The following CNBD1 variants were observed in gnomAD, a reference collection of about 807,000 sequenced individuals.
The protein encoded by CNBD1 is cyclic nucleotide-binding domain-containing protein 1.
CNBD1 carries 71 observed loss-of-function variants against 54.4 expected under a neutral mutation model. That is an observed-to-expected ratio of 1.30 (90% CI 1.08 to 1.59). The LOEUF (loss-of-function observed/expected upper bound fraction) is 1.59. CNBD1 is among the 40% of genes most tolerant of loss of function. The pLI is 0.00. For missense variants in CNBD1, 659 were observed against 518.0 expected (o/e 1.27, Z -2.64); for synonymous variants, 182 against 170.7 (o/e 1.07, Z -0.51).
At chr8:87,410,060 T>C (rs1807715794) in intron 2 of CNBD1, among the ~76,000 whole-genome samples, 1 of 152,012 alleles carries the variant, frequency 6.6e-6, no homozygotes, top group Admixed American at 6.6e-5. Flanking sequence ...ATTCTTCCTG[T>C]ACTACATAAA....
intron 4 of CNBD1, among the ~76,000 whole-genome samples, chr8:86,977,606 A>T (rs1808371547): frequency 6.6e-6 from 1 of 152,172 alleles, no homozygotes; most frequent in African/African-American, 2.4e-5. Context: ...TATAAAAATT[A>T]TACAACAAAA....
chr8:87,143,567 C>T (rs914924489), intron 4 of CNBD1, among the ~76,000 whole-genome samples: 2 of 152,100 alleles, frequency 1.3e-5, no homozygotes, highest in Non-Finnish European at 2.9e-5. Context: ...ATGAGTATTA[C>T]AATAACTTCA....
intron 4 of CNBD1, among the ~76,000 whole-genome samples, chr8:87,137,977 C>G (rs1812292976): frequency 6.6e-6 from 1 of 152,098 alleles, no homozygotes; most frequent in Non-Finnish European, 1.5e-5. Flanking sequence ...AAAGGAGAAG[C>G]ATAATCTTTA....
intron 8 of CNBD1, among the ~76,000 whole-genome samples, chr8:87,307,483 A>G (rs1419868013): frequency 6.6e-6 from 1 of 152,174 alleles, no homozygotes; most frequent in Non-Finnish European, 1.5e-5. Flanking sequence ...CATGCCTGTA[A>G]TCCCAGCATG....
At chr8:87,279,502 GGATACAGAAA>G (rs1377084028) in intron 6 of CNBD1, among the ~76,000 whole-genome samples, 1 of 151,118 alleles carries the variant, frequency 6.6e-6, no homozygotes, top group Non-Finnish European at 1.5e-5. Context: ...CTTATTAGAA[GGATACAGAAA>G]GTTGCAAAGT....
intron 4 of CNBD1, among the ~76,000 whole-genome samples, chr8:87,082,886 T>C (rs185914800): frequency 8.3e-4 from 127 of 152,324 alleles, no homozygotes; most frequent in African/African-American, 2.8e-3. Context: ...TATTGCCTCA[T>C]TGGTTTATTA....
chr8:87,328,603 A>G (rs752763703), intron 8 of CNBD1, among the ~76,000 whole-genome samples: 29 of 151,968 alleles, frequency 1.9e-4, no homozygotes, highest in Non-Finnish European at 3.7e-4. Flanking sequence ...TTGTGATTCC[A>G]TATCAATTTT....
chr8:87,358,609 C>G (rs115811279), intron 10 of CNBD1, among the ~76,000 whole-genome samples: 3,666 of 151,908 alleles, frequency 0.024, 147 homozygotes, highest in African/African-American at 0.081. Context: ...ATACAAGAGG[C>G]GATCTATTAT....
At chr8:87,248,349 T>A (rs904383611) in intron 6 of CNBD1, among the ~76,000 whole-genome samples, 3 of 152,166 alleles carry the variant, frequency 2.0e-5, no homozygotes, top group African/African-American at 7.2e-5. Flanking sequence ...CAATGGATGT[T>A]TTTAGTAGCA....
intron 8 of CNBD1, among the ~76,000 whole-genome samples, chr8:87,294,530 T>C (rs747146848): frequency 2.6e-5 from 4 of 152,206 alleles, no homozygotes; most frequent in Non-Finnish European, 5.9e-5. Flanking sequence ...CCAAAGTCTT[T>C]TGTGAGTGCA....
Position 86,967,810 on chromosome 8 carries a change from T to C in CNBD1, c.431+28056T>C, listed in dbSNP as rs1222012558. On this transcript the variant is annotated intron_variant, in intron 4 of 10. Transcript: ENST00000518476. ...ATCCGTTGCTTGTTCAGTTTTTTTT[T>C]TTTTTTTAACCTGCAGTTTTGTTGT... 2.0e-5 allele frequency among the ~76,000 whole-genome samples: 3 copies of C among 152,102 alleles called. No individual in the cohort carries two copies. The East Asian group carries it at 5.8e-4, about 29-fold the overall frequency.
At chr8:87,397,254 T>C (rs1043106443) in intron 2 of CNBD1, among the ~76,000 whole-genome samples, 1 of 151,942 alleles carries the variant, frequency 6.6e-6, no homozygotes, top group Non-Finnish European at 1.5e-5. Context: ...TTTATACTAT[T>C]AGGAGAAAGG....
At chr8:86,924,812 T>C (rs1282765182) in intron 3 of CNBD1, among the ~76,000 whole-genome samples, 2 of 152,222 alleles carry the variant, frequency 1.3e-5, no homozygotes, top group Non-Finnish European at 2.9e-5. Context: ...AGTAAATCTG[T>C]ATCGTAATAA....
chr8:86,924,416 C>T (rs529194260), intron 3 of CNBD1, among the ~76,000 whole-genome samples: 2 of 152,116 alleles, frequency 1.3e-5, no homozygotes, highest in African/African-American at 2.4e-5. Context: ...AGGAACTCCA[C>T]GAATAGCTAA....
intron 4 of CNBD1, among the ~76,000 whole-genome samples, chr8:87,075,221 A>T (rs1385540766): frequency 6.6e-6 from 1 of 152,200 alleles, no homozygotes; most frequent in Non-Finnish European, 1.5e-5. Flanking sequence ...GAGGTAAATC[A>T]TATAGGATGC....
chr8:87,165,742 C>T (rs1290221250), intron 4 of CNBD1, among the ~76,000 whole-genome samples: 1 of 151,918 alleles, frequency 6.6e-6, no homozygotes, highest in Non-Finnish European at 1.5e-5. Flanking sequence ...CCTTCTTTAC[C>T]CTAGCACTCA....
Position 87,111,392 on chromosome 8 carries a change from G to T in CNBD1, c.432-94601G>T, listed in dbSNP as rs1046252135. Among the ~76,000 whole-genome samples, 4 of 152,258 alleles carry T rather than the reference G, an allele frequency of 2.6e-5. No homozygotes were observed. The East Asian group carries it at 5.8e-4, about 22-fold the overall frequency. On this transcript the variant is annotated intron_variant, in intron 4 of 10. Coordinates refer to ENST00000518476, the MANE Select transcript of CNBD1 (RefSeq NM_173538.3). ...GGTTATTATCTGATCTCATAATGTC[G>T]TTATCTGCTCAAATCCTGTATCCTA...
At chr8:86,969,754 C>G (rs1808175419) in intron 4 of CNBD1, among the ~76,000 whole-genome samples, 1 of 150,472 alleles carries the variant, frequency 6.6e-6, no homozygotes, top group South Asian at 2.1e-4. Flanking sequence ...AAATTTTTTT[C>G]TCCTATTCAA....
At chr8:87,273,173 CAAT>C (rs1384969264) in intron 6 of CNBD1, among the ~76,000 whole-genome samples, 2 of 151,862 alleles carry the variant, frequency 1.3e-5, no homozygotes, top group South Asian at 2.1e-4. Context: ...TACAGAGAAC[CAAT>C]AATGTTTAGA....
Sources: gnomAD v4.1 joint callset for allele counts (sites outside exome capture counted in the v4.1 genomes callset) on GRCh38, gnomAD v4.1.1 for gene constraint, MANE v1.5 for transcripts, NCBI Gene and HGNC (gene_info 2026-07-23, HGNC 2026-07-21) for gene names.